The following PTPRD variants were observed in gnomAD, a reference collection of about 807,000 sequenced individuals.
PTPRD encodes receptor-type tyrosine-protein phosphatase delta.
In PTPRD, 34 loss-of-function variants were observed where a neutral mutation model predicts 214.5. That is an observed-to-expected ratio of 0.16 (90% CI 0.12 to 0.21). The LOEUF is 0.21. Among genes scored for constraint, PTPRD ranks in the 10% least tolerant of loss-of-function variants. The pLI, the probability that PTPRD is intolerant of heterozygous loss-of-function variation, is 1.00. For synonymous variants in PTPRD, 1,128 were observed against 845.7 expected, an observed-to-expected ratio of 1.33 and a Z score of -5.79; for missense variants, 2,545 against 2,398.7, an observed-to-expected ratio of 1.06 and a Z score of -1.27.
intron 2 of PTPRD, among the ~76,000 whole-genome samples, chr9:10,485,369 T>C (rs571246732): frequency 1.1e-4 from 16 of 152,170 alleles, no homozygotes; most frequent in Admixed American, 3.3e-4. Flanking sequence ...CCATATAACT[T>C]TGAGAATTTT....
At chr9:9,962,135 G>A (rs2094406857) in intron 4 of PTPRD, among the ~76,000 whole-genome samples, 1 of 151,980 alleles carries the variant, frequency 6.6e-6, no homozygotes, top group African/African-American at 2.4e-5. Flanking sequence ...AAAAGTTAAT[G>A]ATTAAAAGAA....
intron 10 of PTPRD, among the ~76,000 whole-genome samples, chr9:9,166,224 T>C (rs942689439): frequency 1.2e-4 from 18 of 151,946 alleles, no homozygotes; most frequent in Non-Finnish European, 2.4e-4. Context: ...ATAGTAGGAA[T>C]AGAGGAGAGT....
chr9:8,393,707 A>G (rs1817877230), intron 36 of PTPRD, among the ~76,000 whole-genome samples: 1 of 152,106 alleles, frequency 6.6e-6, no homozygotes, highest in South Asian at 2.1e-4. Flanking sequence ...TCTCTAATTA[A>G]TAACAGTGAT....
chr9:10,118,291 A>G (rs1287342043), intron 3 of PTPRD, among the ~76,000 whole-genome samples: 2 of 151,682 alleles, frequency 1.3e-5, no homozygotes, highest in African/African-American at 2.4e-5. Flanking sequence ...ATATATCTAT[A>G]GAAACATTTA....
chr9:9,012,159 CA>C (rs959858856), intron 11 of PTPRD, among the ~76,000 whole-genome samples: 1 of 152,092 alleles, frequency 6.6e-6, no homozygotes, highest in African/African-American at 2.4e-5. Flanking sequence ...CAGCCAAAGC[CA>C]AAGCCCTCAG....
At chr9:10,377,025 T>C (rs1362683100) in intron 2 of PTPRD, among the ~76,000 whole-genome samples, 1 of 151,996 alleles carries the variant, frequency 6.6e-6, no homozygotes, top group Non-Finnish European at 1.5e-5. Context: ...TTTGTACCCA[T>C]TAACCATCCC....
intron 2 of PTPRD, among the ~76,000 whole-genome samples, chr9:10,370,070 A>G (rs2097581542): frequency 1.3e-5 from 2 of 152,128 alleles, no homozygotes; most frequent in South Asian, 4.1e-4. Context: ...AAGATCCAGT[A>G]CATTGAATGA....
At chr9:10,434,938 G>C (rs982418481) in intron 2 of PTPRD, among the ~76,000 whole-genome samples, 3 of 151,744 alleles carry the variant, frequency 2.0e-5, no homozygotes, top group Non-Finnish European at 2.9e-5. Flanking sequence ...CACTGAGTGA[G>C]GTACAATCTC....
At chr9:9,882,861 C>T (rs1177304808) in intron 5 of PTPRD, among the ~76,000 whole-genome samples, 2 of 152,028 alleles carry the variant, frequency 1.3e-5, no homozygotes, top group Non-Finnish European at 2.9e-5. Context: ...GGGGTGAATC[C>T]CCTGTGAATG....
At chr9:8,752,448 CA>C (rs1457899887) in intron 11 of PTPRD, among the ~76,000 whole-genome samples, 2 of 152,160 alleles carry the variant, frequency 1.3e-5, no homozygotes, top group African/African-American at 4.8e-5. Context: ...AAGAAATAAC[CA>C]TAAAAATGGG....
At chr9:9,592,614 G>A (rs534572615) in intron 7 of PTPRD, among the ~76,000 whole-genome samples, 2 of 152,080 alleles carry the variant, frequency 1.3e-5, no homozygotes, top group Admixed American at 6.6e-5. Context: ...TACTCCTTTC[G>A]TCATTCCCTA....
At chr9:9,690,115 A>G in intron 7 of PTPRD, among the ~76,000 whole-genome samples, 1 of 151,850 alleles carries the variant, frequency 6.6e-6, no homozygotes, top group East Asian at 1.9e-4. Context: ...CCCACATTGT[A>G]TGGGGGTTCT....
intron 10 of PTPRD, among the ~76,000 whole-genome samples, chr9:9,080,998 G>T (rs994008571): frequency 6.6e-6 from 1 of 151,798 alleles, no homozygotes; most frequent in Non-Finnish European, 1.5e-5. Context: ...ATCTCCTTCA[G>T]TTCTGCTTTG....
At chr9:10,358,247 T>C (rs976191313) in intron 2 of PTPRD, among the ~76,000 whole-genome samples, 1 of 152,074 alleles carries the variant, frequency 6.6e-6, no homozygotes, top group Non-Finnish European at 1.5e-5. Context: ...CATCAAAAGA[T>C]AATACTTTTG....
Position 10,538,258 on chromosome 9 carries a change from A to G in PTPRD, c.-600+74140T>C, listed in dbSNP as rs931224345. ...CATCATAAAATAAATAAATAAATAA[A>G]TAAATAAATAAATAAATAAATAAAT... On this transcript the variant is annotated intron_variant, in intron 2 of 45. Transcript: ENST00000381196. Among the ~76,000 whole-genome samples the G allele has an allele frequency of 8.6e-4, 123 of 142,252 alleles. 1 individual carries two copies. Among genetic ancestry groups the G allele is most frequent in the African/African-American group, 3.2e-3 (116 of 35,828 alleles). 93.3% of individuals were successfully genotyped at this position (142,252 alleles called of 152,430 possible).
At chr9:9,190,189 T>C (rs1002698194) in intron 9 of PTPRD, among the ~76,000 whole-genome samples, 48 of 152,068 alleles carry the variant, frequency 3.2e-4, no homozygotes, top group African/African-American at 1.1e-3. Flanking sequence ...AGATTAATGC[T>C]TTAATTGTGG....
At chr9:9,411,560 C>T (rs2075438257) in intron 8 of PTPRD, among the ~76,000 whole-genome samples, 1 of 152,102 alleles carries the variant, frequency 6.6e-6, no homozygotes, top group South Asian at 2.1e-4. Flanking sequence ...AATCATTAAA[C>T]ATGAAGTGGA....
At chr9:8,862,035 CTTTGG>C (rs1381615866) in intron 11 of PTPRD, 1 of 152,124 alleles carries the variant, frequency 6.6e-6, no homozygotes, top group Non-Finnish European at 1.5e-5. Context: ...CAGTAGCTTG[CTTTGG>C]CCAAACACAG....
chr9:9,048,490 T>C (rs1303852928), intron 10 of PTPRD, among the ~76,000 whole-genome samples: 2 of 152,126 alleles, frequency 1.3e-5, no homozygotes, highest in Non-Finnish European at 2.9e-5. Flanking sequence ...AAATGAGATC[T>C]TGTGATTTGT....
Sources: gnomAD v4.1 joint callset for allele counts (sites outside exome capture counted in the v4.1 genomes callset) on GRCh38, gnomAD v4.1.1 for gene constraint, MANE v1.5 for transcripts, NCBI Gene and HGNC (gene_info 2026-07-23, HGNC 2026-07-21) for gene names.